Variants in CLMP observed in about 807,000 individuals in gnomAD.
CLMP encodes CXADR-like membrane protein.
In CLMP, 27 loss-of-function variants were observed where a neutral mutation model predicts 45.2. That is an observed-to-expected ratio of 0.60 (90% CI 0.44 to 0.82). The LOEUF (loss-of-function observed/expected upper bound fraction) is 0.82. CLMP is among the 40% of genes least tolerant of loss of function. The pLI, the probability that CLMP is intolerant of heterozygous loss-of-function variation, is 0.00. For synonymous variants in CLMP, 167 were observed against 171.4 expected (o/e 0.97, Z 0.20); for missense variants, 403 against 448.4 (o/e 0.90, Z 0.91).
rs1055615714 is a variant in CLMP, at chr11:123,071,707, G to C, written c.*1767C>G. On this transcript the variant is annotated 3_prime_UTR_variant, in exon 7 of 7. Transcript: ENST00000448775. The stretch of plus-strand genomic sequence containing the variant: ...CCACTGCACTCCAGCCTGGGCAACA[G>C]AGCGAGACTTCGTCTCAAAAAAAAA... 1 of 152,346 alleles carries C rather than the reference G, an allele frequency of 6.6e-6. No individual in the cohort carries two copies. The highest frequency in any genetic ancestry group is 2.4e-5 in the African/African-American group (1 of 41,422). 9.4% of individuals were successfully genotyped at this position (152,346 alleles called of 1,614,324 possible). A position where few individuals can be genotyped will look rare whatever the true frequency, so the allele number is the denominator to read the frequency against.
intron 1 of CLMP, among the ~76,000 whole-genome samples, chr11:123,099,529 A>G (rs1276660277): frequency 6.6e-6 from 1 of 152,204 alleles, no homozygotes; most frequent in Non-Finnish European, 1.5e-5. Context: ...AGTGTTTAGC[A>G]CTGAGTGGCT....
In CLMP at chr11:123,108,396, G is replaced by A. The variant is rs76057566; in HGVS notation, c.29-10444C>T. Among the ~76,000 whole-genome samples, 643 of 152,308 alleles carry A rather than the reference G, an allele frequency of 4.2e-3. 1 individual carries two copies. Among genetic ancestry groups the A allele is most frequent in the Non-Finnish European group, 7.3e-3 (498 of 68,030 alleles). ...TTTCAGACATCTGGGAGTCAATACA[G>A]TGCCTAGTTATCTCCTCCCACCCCT... On this transcript the variant is annotated intron_variant, in intron 1 of 6. Transcript: ENST00000448775.
rs143626713 is a variant in CLMP, at chr11:123,168,041, G to A, written c.28+26872C>T. 8.8e-3 allele frequency among the ~76,000 whole-genome samples: 1,341 copies of A among 152,288 alleles called. 5 individuals carry two copies. Among genetic ancestry groups the A allele is most frequent in the Middle Eastern group, 0.02 (6 of 294 alleles). On this transcript the variant is annotated intron_variant, in intron 1 of 6. Coordinates refer to ENST00000448775, the MANE Select transcript of CLMP (RefSeq NM_024769.5). Reference sequence around the variant, plus strand: ...GCTGAAAGCTTGTTCTTAAACTGACGGAGGGATGCCAGCCTGCCATGGTCA... The same window carrying A: ...GCTGAAAGCTTGTTCTTAAACTGACAGAGGGATGCCAGCCTGCCATGGTCA...
intron 1 of CLMP, among the ~76,000 whole-genome samples, chr11:123,129,413 TG>T: frequency 7.1e-6 from 1 of 141,616 alleles, no homozygotes; most frequent in Admixed American, 7.4e-5. Flanking sequence ...ATATATCATA[TG>T]ATATATTATA....
intron 1 of CLMP, among the ~76,000 whole-genome samples, chr11:123,160,518 T>C (rs558395129): frequency 1.0e-3 from 152 of 152,232 alleles, no homozygotes; most frequent in African/African-American, 3.4e-3. Flanking sequence ...ACGAGAAACT[T>C]GGGAAAGGAG....
At chr11:123,169,044 C>T (rs1181593730) in intron 1 of CLMP, among the ~76,000 whole-genome samples, 1 of 152,122 alleles carries the variant, frequency 6.6e-6, no homozygotes, top group African/African-American at 2.4e-5. Context: ...GCTCTGGTCC[C>T]TCAAAAGACC....
At chr11:123,094,667 G>C (rs903950981) in intron 2 of CLMP, among the ~76,000 whole-genome samples, 8 of 152,270 alleles carry the variant, frequency 5.3e-5, no homozygotes, top group Middle Eastern at 6.8e-3. Flanking sequence ...GAGTAGCTGG[G>C]ACTACAGGCA....
intron 5 of CLMP, among the ~76,000 whole-genome samples, chr11:123,081,280 A>G (rs898781510): frequency 3.9e-5 from 6 of 152,230 alleles, no homozygotes; most frequent in Non-Finnish European, 8.8e-5. Flanking sequence ...TATGGAGACA[A>G]TGTAACAAAG....
chr11:123,129,887 C>T (rs1343899139), intron 1 of CLMP, among the ~76,000 whole-genome samples: 1 of 149,652 alleles, frequency 6.7e-6, no homozygotes, highest in East Asian at 1.9e-4. Flanking sequence ...ACATCTAATC[C>T]ACCTACTCCT....
At position 123,150,484 on chromosome 11, in the gene CLMP, G is replaced by GAAAGAAAGAAAGAAA. The variant is rs1565397469; in HGVS notation, c.28+44428_28+44429insTTTCTTTCTTTCTTT. Among the ~76,000 whole-genome samples, 26 of 33,130 alleles carry GAAAGAAAGAAAGAAA rather than the reference G, an allele frequency of 7.8e-4. 2 individuals are homozygous for GAAAGAAAGAAAGAAA. The highest frequency in any genetic ancestry group is 1.3e-3 in the Admixed American group (4 of 3,156). The allele number at this position is 33,130 out of a possible 152,430, so 21.7% of individuals were successfully genotyped here. A position where few individuals can be genotyped will look rare whatever the true frequency, so the allele number is the denominator to read the frequency against. On this transcript the variant is annotated intron_variant, in intron 1 of 6. Transcript: ENST00000448775. Reference sequence around the variant, plus strand: ...GAAAGAAAGAAAGAAAGAAAGAAAGGAAGGAAGGAAGGAAGGAAGGAAGGA... The same window carrying GAAAGAAAGAAAGAAA: ...GAAAGAAAGAAAGAAAGAAAGAAAGGAAAGAAAGAAAGAAAAAGGAAGGAAGGAAGGAAGGAAGGA...
Position 123,150,482 on chromosome 11 carries a change from AG to A in CLMP, c.28+44430del, listed in dbSNP as rs1861308561. On this transcript the variant is annotated intron_variant, in intron 1 of 6. Transcript: ENST00000448775. Reference sequence around the variant, plus strand: ...AAGAAAGAAAGAAAGAAAGAAAGAAAGGAAGGAAGGAAGGAAGGAAGGAAGG... The same window carrying A: ...AAGAAAGAAAGAAAGAAAGAAAGAAAGAAGGAAGGAAGGAAGGAAGGAAGG... Among the ~76,000 whole-genome samples the A allele has an allele frequency of 2.0e-3, 194 of 98,976 alleles. 1 individual carries two copies. Among genetic ancestry groups the A allele is most frequent in the African/African-American group, 5.9e-3 (141 of 23,904 alleles). 64.9% of individuals were successfully genotyped at this position (98,976 alleles called of 152,430 possible).
At chr11:123,134,373 A>T (rs1431300491) in intron 1 of CLMP, among the ~76,000 whole-genome samples, 2 of 152,120 alleles carry the variant, frequency 1.3e-5, no homozygotes, top group African/African-American at 4.8e-5. Flanking sequence ...ACTCCCCTTG[A>T]ATATTTCTTA....
At position 123,163,239 on chromosome 11, in the gene CLMP, T is replaced by G. The variant is rs112059490; in HGVS notation, c.28+31674A>C. Among the ~76,000 whole-genome samples the G allele has an allele frequency of 1.3e-3, 198 of 152,248 alleles. No homozygotes were observed. The Middle Eastern group carries it at 0.017, about 13-fold the overall frequency. On this transcript the variant is annotated intron_variant, in intron 1 of 6. Transcript: ENST00000448775. Reference sequence around the variant, plus strand: ...AGATCTTAGAGGGTCTTCACTTCAGTTGGAGAAATTTGTGTCCTGTTTGCT... The same window carrying G: ...AGATCTTAGAGGGTCTTCACTTCAGGTGGAGAAATTTGTGTCCTGTTTGCT...
At chr11:123,183,728 C>A (rs11219054) in intron 1 of CLMP, among the ~76,000 whole-genome samples, 3,277 of 152,236 alleles carry the variant, frequency 0.022, 119 homozygotes, top group African/African-American at 0.075. Context: ...CCAGAGAAGA[C>A]AGCCTTACCT....
At chr11:123,141,023 A>G (rs4304791) in intron 1 of CLMP, among the ~76,000 whole-genome samples, 63,350 of 151,826 alleles carry the variant, frequency 0.42, 14,317 homozygotes, top group African/African-American at 0.59. Flanking sequence ...CATGTGATAT[A>G]TGGGCTTCCC....
chr11:123,116,481 T>A (rs1356714264), intron 1 of CLMP, among the ~76,000 whole-genome samples: 1 of 151,918 alleles, frequency 6.6e-6, no homozygotes, highest in Non-Finnish European at 1.5e-5. Flanking sequence ...GGCAGGAGAA[T>A]CGCTTGAACC....
At chr11:123,171,936 G>C (rs920300195) in intron 1 of CLMP, among the ~76,000 whole-genome samples, 1 of 152,082 alleles carries the variant, frequency 6.6e-6, no homozygotes, top group Non-Finnish European at 1.5e-5. Flanking sequence ...TAACATTTCA[G>C]TGCAGATTTC....
chr11:123,132,743 G>C (rs945693353), intron 1 of CLMP, among the ~76,000 whole-genome samples: 1 of 151,718 alleles, frequency 6.6e-6, no homozygotes, highest in Non-Finnish European at 1.5e-5. Context: ...ACAGGTGTGA[G>C]ACACTGTGCC....
chr11:123,101,920 A>T (rs1385061047), intron 1 of CLMP, among the ~76,000 whole-genome samples: 1 of 152,208 alleles, frequency 6.6e-6, no homozygotes, highest in Admixed American at 6.5e-5. Context: ...GCGGTGGCTC[A>T]TGCCTGTAAT....
Sources: allele counts gnomAD v4.1 joint callset (sites outside exome capture counted in the v4.1 genomes callset), GRCh38; gene constraint gnomAD v4.1.1; transcripts MANE v1.5; gene names NCBI Gene and HGNC (gene_info 2026-07-23, HGNC 2026-07-21).